LRP1B: variants seen among roughly 807,000 people sequenced by gnomAD.
LRP1B encodes the protein LDL receptor related protein 1B.
LRP1B carries 217 observed loss-of-function variants against 556.6 expected under a neutral mutation model. The observed-to-expected ratio is 0.39, with a 90% confidence interval of 0.35 to 0.44. The LOEUF (loss-of-function observed/expected upper bound fraction) is 0.44. Ranked by LOEUF, LRP1B falls within the 20% of genes least tolerant of loss-of-function variation. The probability of loss-of-function intolerance (pLI) is 1.00; values close to 1 mark genes in which losing one functional copy is unlikely to be tolerated. For synonymous variants in LRP1B, 2,047 were observed against 1,865.8 expected (o/e 1.10, Z -2.50); for missense variants, 5,053 against 5,620.8 (o/e 0.90, Z 3.23).
chr2:141,459,019 G>C (rs970269748), intron 3 of LRP1B, among the ~76,000 whole-genome samples: 2 of 152,142 alleles, frequency 1.3e-5, no homozygotes, highest in Non-Finnish European at 2.9e-5. Context: ...CAGACAAAAT[G>C]GCAGTCCAGA....
chr2:140,453,210 G>A (rs1686954176), intron 62 of LRP1B, among the ~76,000 whole-genome samples: 1 of 151,696 alleles, frequency 6.6e-6, no homozygotes, highest in Admixed American at 6.6e-5. Flanking sequence ...AAATAAACAT[G>A]AACTGTTGGA....
At chr2:141,789,870 A>G (rs573274625) in intron 2 of LRP1B, among the ~76,000 whole-genome samples, 1 of 152,048 alleles carries the variant, frequency 6.6e-6, no homozygotes, top group African/African-American at 2.4e-5. Flanking sequence ...TACTTAGAGG[A>G]GACTAAAAGG....
chr2:141,173,871 G>A (rs1680616097), intron 7 of LRP1B, among the ~76,000 whole-genome samples: 1 of 151,962 alleles, frequency 6.6e-6, no homozygotes, highest in Non-Finnish European at 1.5e-5. Flanking sequence ...TACCTCTTAA[G>A]CCAGTTAAAG....
chr2:140,309,702 T>G (rs1033913888), intron 83 of LRP1B, among the ~76,000 whole-genome samples: 1 of 151,850 alleles, frequency 6.6e-6, no homozygotes, highest in Non-Finnish European at 1.5e-5. Context: ...GCTATTTTAA[T>G]TTTCAATGAA....
chr2:140,746,241 C>A (rs1324167451), intron 35 of LRP1B, among the ~76,000 whole-genome samples: 1 of 152,140 alleles, frequency 6.6e-6, no homozygotes, highest in South Asian at 2.1e-4. Context: ...CTTTTTCAAT[C>A]CCCCCACATA....
chr2:141,365,956 C>A (rs1041840186), intron 3 of LRP1B, among the ~76,000 whole-genome samples: 3 of 151,954 alleles, frequency 2.0e-5, no homozygotes, highest in Non-Finnish European at 2.9e-5. Context: ...TACAGGCATG[C>A]GCCACCGCAC....
chr2:141,911,702 C>T (rs1395602958), intron 1 of LRP1B, among the ~76,000 whole-genome samples: 1 of 152,210 alleles, frequency 6.6e-6, no homozygotes, highest in African/African-American at 2.4e-5. Flanking sequence ...AGTGACATCA[C>T]TTAGATACAT....
chr2:140,619,020 C>T (rs977541941), intron 41 of LRP1B, among the ~76,000 whole-genome samples: 2 of 151,586 alleles, frequency 1.3e-5, no homozygotes, highest in Non-Finnish European at 2.9e-5. Flanking sequence ...GTTTTCGTAA[C>T]GTGACAAACA....
At chr2:141,958,652 C>T (rs543775058) in intron 1 of LRP1B, among the ~76,000 whole-genome samples, 9 of 151,844 alleles carry the variant, frequency 5.9e-5, no homozygotes, top group Admixed American at 2.0e-4. Flanking sequence ...TTCTGTTTGT[C>T]GTCTGTAAGG....
chr2:141,091,510 C>T (rs1002554412), intron 7 of LRP1B, among the ~76,000 whole-genome samples: 5 of 152,172 alleles, frequency 3.3e-5, no homozygotes, highest in African/African-American at 4.8e-5. Flanking sequence ...TCCAGGGACT[C>T]GTTTCCTCCC....
intron 32 of LRP1B, among the ~76,000 whole-genome samples, chr2:140,794,369 A>T (rs1690225120): frequency 6.6e-6 from 1 of 152,130 alleles, no homozygotes; most frequent in African/African-American, 2.4e-5. Flanking sequence ...TCATAAACGG[A>T]ATTCTTCATA....
At chr2:140,593,952 C>T (rs1236189317) in intron 43 of LRP1B, among the ~76,000 whole-genome samples, 1 of 151,690 alleles carries the variant, frequency 6.6e-6, no homozygotes, top group Non-Finnish European at 1.5e-5. Context: ...TTTCAAATCT[C>T]TACAAACACA....
intron 3 of LRP1B, among the ~76,000 whole-genome samples, chr2:141,343,661 C>T (rs748911839): frequency 3.3e-5 from 5 of 152,248 alleles, no homozygotes; most frequent in Admixed American, 6.5e-5. Flanking sequence ...GATAAGCTTA[C>T]TTTATGATGT....
chr2:140,648,232 T>C (rs2105314427), intron 41 of LRP1B, among the ~76,000 whole-genome samples: 1 of 151,240 alleles, frequency 6.6e-6, no homozygotes, highest in East Asian at 2.0e-4. Context: ...ATGTGGGAAG[T>C]GAACAATGAG....
intron 1 of LRP1B, among the ~76,000 whole-genome samples, chr2:141,884,133 G>T (rs528543065): frequency 1.3e-5 from 2 of 152,282 alleles, no homozygotes; most frequent in African/African-American, 4.8e-5. Context: ...TCAGCACTTT[G>T]GGTGGCCCAG....
intron 3 of LRP1B, among the ~76,000 whole-genome samples, chr2:141,427,773 T>C (rs1680421893): frequency 6.6e-6 from 1 of 152,188 alleles, no homozygotes; most frequent in South Asian, 2.1e-4. Context: ...GGTTTTTCTT[T>C]AAAATAAATG....
At chr2:140,282,341 C>CT (rs1330525624) in intron 84 of LRP1B, among the ~76,000 whole-genome samples, 1 of 151,798 alleles carries the variant, frequency 6.6e-6, no homozygotes, top group African/African-American at 2.4e-5. Context: ...GTGTTACCCT[C>CT]TTTTTATAGA....
intron 7 of LRP1B, among the ~76,000 whole-genome samples, chr2:141,075,303 A>G (rs1699757580): frequency 6.6e-6 from 1 of 152,296 alleles, no homozygotes; most frequent in East Asian, 1.9e-4. Flanking sequence ...GAATAGAGAT[A>G]AAGAGTTCAA....
intron 7 of LRP1B, among the ~76,000 whole-genome samples, chr2:141,185,276 C>G (rs1489948935): frequency 6.6e-6 from 1 of 152,008 alleles, no homozygotes; most frequent in Non-Finnish European, 1.5e-5. Flanking sequence ...AGGATTTGAT[C>G]TCAGTAAGAC....
Sources: gnomAD v4.1 joint callset for allele counts (sites outside exome capture counted in the v4.1 genomes callset) on GRCh38, gnomAD v4.1.1 for gene constraint, MANE v1.5 for transcripts, NCBI Gene and HGNC (gene_info 2026-07-23, HGNC 2026-07-21) for gene names.